TSHR: variants seen among roughly 807,000 people sequenced by gnomAD.
The protein encoded by TSHR is thyroid stimulating hormone receptor.
TSHR carries 51 observed loss-of-function variants against 64.1 expected under a neutral mutation model. The observed-to-expected ratio is 0.80, with a 90% CI of 0.64 to 1.01. TSHR has a LOEUF of 1.01. TSHR is among the 50% of genes least tolerant of loss of function. The pLI, the probability that TSHR is intolerant of heterozygous loss-of-function variation, is 0.00. For missense variants in TSHR, 877 were observed against 942.8 expected, an observed-to-expected ratio of 0.93 and a Z score of 0.91; for synonymous variants, 361 against 361.9, an observed-to-expected ratio of 1.00 and a Z score of 0.03.
At chr14:81,033,082 C>A in intron 1 of TSHR, 1 of 363,680 alleles carries the variant, frequency 2.7e-6, no homozygotes. Flanking sequence ...AGACTATGGG[C>A]TCATATGCAT....
At chr14:81,133,518 T>C (rs1891334521) in intron 8 of TSHR, among the ~76,000 whole-genome samples, 1 of 152,196 alleles carries the variant, frequency 6.6e-6, no homozygotes, top group Admixed American at 6.5e-5. Context: ...GAAGCATTAA[T>C]CCTGTACTCT....
intron 1 of TSHR, among the ~76,000 whole-genome samples, chr14:81,034,668 A>G (rs1353628144): frequency 6.6e-6 from 1 of 152,244 alleles, no homozygotes; most frequent in African/African-American, 2.4e-5. Flanking sequence ...ATGGTTTTCC[A>G]CTGATTAAAA....
rs778963363 is a variant in TSHR at position 81,143,935 on chromosome 14, T to C, written c.1877T>C (p.Met626Thr). 6.2e-7 allele frequency: 1 copy of C among 1,614,238 alleles called. No homozygotes were observed. The highest frequency in any genetic ancestry group is 2.2e-5 in the East Asian group (1 of 44,886). ...AAAGATACCAAAATTGCCAAGAGGA[T>C]GGCTGTGTTGATCTTCACCGACTTC... The part of the protein sequence containing the change: ...GDKDTKIAKR[M>T]AVLIFTDFIC... Residue 626 changes from methionine to threonine, a missense_variant, in exon 10 of 10, where the codon ATG becomes ACG. Transcript: ENST00000298171.
At chr14:81,112,191 C>T (rs1284029272) in intron 8 of TSHR, among the ~76,000 whole-genome samples, 3 of 152,180 alleles carry the variant, frequency 2.0e-5, no homozygotes, top group Non-Finnish European at 4.4e-5. Flanking sequence ...TCAGTTTTCT[C>T]ATCTGTCGAA....
chr14:81,044,434 G>A (rs371420587), intron 1 of TSHR, among the ~76,000 whole-genome samples: 4 of 152,254 alleles, frequency 2.6e-5, no homozygotes, highest in African/African-American at 7.2e-5. Context: ...CAAGGTGGGC[G>A]GATCACGAGG....
chr14:81,030,199 G>T (rs567418322), intron 1 of TSHR, among the ~76,000 whole-genome samples: 1 of 152,080 alleles, frequency 6.6e-6, no homozygotes, highest in Admixed American at 6.6e-5. Flanking sequence ...GGAAAACAAA[G>T]AAGTCACTTT....
chr14:81,121,741 A>G (rs1890800535), intron 8 of TSHR, among the ~76,000 whole-genome samples: 1 of 152,082 alleles, frequency 6.6e-6, no homozygotes, highest in Admixed American at 6.6e-5. Context: ...CGGGAGTTTG[A>G]GGTCGGCTTA....
At chr14:80,985,123 G>A (rs537315570) in intron 1 of TSHR, among the ~76,000 whole-genome samples, 177 of 152,222 alleles carry the variant, frequency 1.2e-3, no homozygotes, top group Admixed American at 4.5e-3. Flanking sequence ...GGTGGCGGGC[G>A]CCTGTAGTCC....
chr14:80,997,739 A>G (rs1476910722), intron 1 of TSHR, among the ~76,000 whole-genome samples: 1 of 152,218 alleles, frequency 6.6e-6, no homozygotes, highest in Non-Finnish European at 1.5e-5. Context: ...ATATAGTTCT[A>G]TTGTAAGATT....
chr14:81,061,983 A>G (rs1051918094), intron 1 of TSHR, among the ~76,000 whole-genome samples, 165 bp from the exon 2 acceptor site: 2 of 152,144 alleles, frequency 1.3e-5, no homozygotes, highest in Admixed American at 1.3e-4. Context: ...ATGTGTACAT[A>G]TGGTTCTTTG....
chr14:81,080,250 C>G (rs191637831), intron 3 of TSHR, among the ~76,000 whole-genome samples: 1 of 152,216 alleles, frequency 6.6e-6, no homozygotes, highest in Admixed American at 6.5e-5. Context: ...CCGCACCTGG[C>G]CTATGTGAGT....
chr14:81,125,855 T>G (rs1891000824), intron 8 of TSHR, among the ~76,000 whole-genome samples: 1 of 151,596 alleles, frequency 6.6e-6, no homozygotes, highest in Admixed American at 6.6e-5. Context: ...AAGTAGGTCA[T>G]CCCTCCTAAG....
chr14:81,111,405 C>A (rs1890220279), intron 8 of TSHR, among the ~76,000 whole-genome samples: 1 of 152,132 alleles, frequency 6.6e-6, no homozygotes, highest in South Asian at 2.1e-4. Context: ...CTGGCTCCTG[C>A]CTTTATTTAG....
intron 1 of TSHR, chr14:81,032,663 A>T (rs1884408678): frequency 2.4e-6 from 1 of 421,614 alleles, no homozygotes; most frequent in Admixed American, 2.9e-5. Context: ...GAGTTGTCGA[A>T]GGCATAATCT....
intron 1 of TSHR, chr14:81,033,211 A>T (rs2139825735): frequency 2.2e-6 from 1 of 458,734 alleles, no homozygotes; most frequent in African/African-American, 2.1e-5. Context: ...ATCCACAAAA[A>T]TCTGAAGAGC....
chr14:80,962,769 GT>G, intron 1 of TSHR, among the ~76,000 whole-genome samples: 1 of 152,170 alleles, frequency 6.6e-6, no homozygotes, highest in Non-Finnish European at 1.5e-5. Flanking sequence ...AGGGAGGGAA[GT>G]TCATAGAAGC....
At chr14:81,142,085 C>A (rs1198466148) in intron 9 of TSHR, among the ~76,000 whole-genome samples, 1 of 152,024 alleles carries the variant, frequency 6.6e-6, no homozygotes, top group African/African-American at 2.4e-5. Context: ...CCAGCATCCA[C>A]ATTTTTTTTT....
At chr14:80,982,972 AACTT>A in intron 1 of TSHR, 2 of 531,862 alleles carry the variant, frequency 3.8e-6, no homozygotes, top group East Asian at 3.0e-5. Context: ...ACAACTTGTT[AACTT>A]ACTTAAGTCA....
At chr14:81,046,877 T>G (rs1043519694) in intron 1 of TSHR, among the ~76,000 whole-genome samples, 2 of 152,142 alleles carry the variant, frequency 1.3e-5, no homozygotes, top group African/African-American at 4.8e-5. Context: ...AGGCTTATTG[T>G]CAGAAACTTC....
Sources: gnomAD v4.1 joint callset for allele counts (sites outside exome capture counted in the v4.1 genomes callset) on GRCh38, gnomAD v4.1.1 for gene constraint, MANE v1.5 for transcripts, NCBI Gene and HGNC (gene_info 2026-07-23, HGNC 2026-07-21) for gene names.